Variants in ADK observed in about 807,000 individuals in gnomAD.
The protein encoded by ADK is adenosine kinase, also known as N6,N6-dimethyladenosine kinase.
In ADK, 24 loss-of-function variants were observed where a neutral mutation model predicts 44.7. That is an observed-to-expected ratio of 0.54 (90% CI 0.39 to 0.76). The LOEUF (loss-of-function observed/expected upper bound fraction) is 0.76, where lower values mean the gene tolerates loss of function less well. ADK is among the 30% of genes least tolerant of loss of function. The probability of loss-of-function intolerance (pLI) is 0.00; values close to 1 mark genes in which losing one functional copy is unlikely to be tolerated. For synonymous variants in ADK, 128 were observed against 142.6 expected (o/e 0.90, Z 0.73); for missense variants, 321 against 425.1 (o/e 0.76, Z 2.15).
chr10:74,579,733 A>C (rs1375687109), intron 7 of ADK, among the ~76,000 whole-genome samples: 1 of 152,198 alleles, frequency 6.6e-6, no homozygotes, highest in Non-Finnish European at 1.5e-5. Flanking sequence ...GAGCACACAC[A>C]CTGGATATCT....
chr10:74,397,984 C>T (rs1048764448), intron 5 of ADK, among the ~76,000 whole-genome samples: 2 of 152,184 alleles, frequency 1.3e-5, no homozygotes, highest in African/African-American at 2.4e-5. Context: ...TTCCTCTTAG[C>T]GAATATGGTC....
At position 74,350,055 on chromosome 10, in the gene ADK, G is replaced by A. The variant is rs113849168; in HGVS notation, c.273+35310G>A. Among the ~76,000 whole-genome samples the A allele has an allele frequency of 3.3e-4, 50 of 152,214 alleles. 1 individual carries two copies. Among genetic ancestry groups the A allele is most frequent in the African/African-American group, 1.1e-3 (44 of 41,530 alleles). On this transcript the variant is annotated intron_variant, in intron 4 of 10. Coordinates refer to ENST00000539909, the MANE Select transcript of ADK (RefSeq NM_006721.4). Reference sequence around the variant, plus strand: ...ACTTGAACTAAGCTCTGGACCAAGCGGACCTAATAGACATGGGGTTGCTAC... The same window carrying A: ...ACTTGAACTAAGCTCTGGACCAAGCAGACCTAATAGACATGGGGTTGCTAC...
At chr10:74,456,580 T>G (rs1845952164) in intron 6 of ADK, among the ~76,000 whole-genome samples, 1 of 138,850 alleles carries the variant, frequency 7.2e-6, no homozygotes. Context: ...GGCAGGAGAA[T>G]GGCGTGAACC....
At chr10:74,222,489 G>T (rs1844350971) in intron 2 of ADK, among the ~76,000 whole-genome samples, 1 of 151,940 alleles carries the variant, frequency 6.6e-6, no homozygotes. Flanking sequence ...AATACCATTT[G>T]ACCCAGCCAT....
At chr10:74,285,341 A>C (rs1409657464) in intron 3 of ADK, among the ~76,000 whole-genome samples, 1 of 152,180 alleles carries the variant, frequency 6.6e-6, no homozygotes, top group Non-Finnish European at 1.5e-5. Flanking sequence ...ATATTTGTGA[A>C]TAGTCTTTGT....
chr10:74,598,440 CCTTTTTTTTTTTT>C (rs1480198889), intron 8 of ADK, among the ~76,000 whole-genome samples: 1 of 114,072 alleles, frequency 8.8e-6, no homozygotes, highest in Non-Finnish European at 1.7e-5. Context: ...GAATCTTATT[CCTTTTTTTTTTTT>C]TTTTTTTTTT....
At chr10:74,670,332 T>A in intron 10 of ADK, 63 bp downstream of exon 10, 1 of 1,260,560 alleles carries the variant, frequency 7.9e-7, no homozygotes, top group South Asian at 1.2e-5. Context: ...GTTTCTACCA[T>A]ATAACCAAGA....
intron 1 of ADK, among the ~76,000 whole-genome samples, chr10:74,196,189 G>A (rs1843143344): frequency 6.6e-6 from 1 of 152,072 alleles, no homozygotes; most frequent in Admixed American, 6.6e-5. Flanking sequence ...GACAATTGCA[G>A]CCTAACAGCA....
chr10:74,320,728 C>T (rs1244203062), intron 4 of ADK, among the ~76,000 whole-genome samples: 1 of 152,086 alleles, frequency 6.6e-6, no homozygotes, highest in African/African-American at 2.4e-5. Flanking sequence ...AACTAGTAAC[C>T]TCAGCTTGCT....
At chr10:74,437,998 C>G (rs1355728472) in intron 6 of ADK, among the ~76,000 whole-genome samples, 3 of 152,176 alleles carry the variant, frequency 2.0e-5, no homozygotes, top group Non-Finnish European at 4.4e-5. Flanking sequence ...GTATAACCTT[C>G]AACATTCAAC....
chr10:74,280,666 G>T (rs1255934165), intron 3 of ADK, among the ~76,000 whole-genome samples: 1 of 152,126 alleles, frequency 6.6e-6, no homozygotes, highest in African/African-American at 2.4e-5. Context: ...TGTAAATTTG[G>T]TTTTCTCACT....
intron 6 of ADK, among the ~76,000 whole-genome samples, chr10:74,408,106 A>G (rs1376463286): frequency 6.6e-6 from 1 of 150,878 alleles, no homozygotes; most frequent in East Asian, 2.0e-4. Flanking sequence ...CAGTCTACCC[A>G]GTAGCTGGGA....
chr10:74,402,825 G>A (rs1173544191), intron 6 of ADK, among the ~76,000 whole-genome samples: 3 of 152,170 alleles, frequency 2.0e-5, no homozygotes, highest in African/African-American at 4.8e-5. Flanking sequence ...GAGAAGAGAC[G>A]CTCTGATTTT....
intron 3 of ADK, among the ~76,000 whole-genome samples, chr10:74,230,537 T>C (rs997088320): frequency 2.6e-5 from 4 of 151,710 alleles, no homozygotes; most frequent in Non-Finnish European, 5.9e-5. Flanking sequence ...AGTTGCATGA[T>C]CATGGCTCAC....
chr10:74,171,794 GTCTC>G (rs986921540), intron 1 of ADK, among the ~76,000 whole-genome samples: 3 of 143,692 alleles, frequency 2.1e-5, no homozygotes, highest in South Asian at 2.1e-4. Flanking sequence ...CTCTCTTTCT[GTCTC>G]TCTCTGTCTC....
chr10:74,573,443 A>C (rs1208683184), intron 7 of ADK, among the ~76,000 whole-genome samples: 2 of 152,162 alleles, frequency 1.3e-5, no homozygotes, highest in African/African-American at 4.8e-5. Context: ...TAGGCTGCTC[A>C]GGGGTCAGCG....
chr10:74,545,831 C>T (rs1190832463), intron 7 of ADK, among the ~76,000 whole-genome samples: 1 of 152,244 alleles, frequency 6.6e-6, no homozygotes, highest in Admixed American at 6.5e-5. Context: ...TAAGTTAATA[C>T]AGTGGGTATT....
intron 7 of ADK, among the ~76,000 whole-genome samples, chr10:74,542,885 G>T (rs113352929): frequency 0.028 from 4,126 of 146,400 alleles, 151 homozygotes; most frequent in African/African-American, 0.076. Flanking sequence ...TTTTATTTTA[G>T]TTATTTATTT....
intron 3 of ADK, among the ~76,000 whole-genome samples, chr10:74,261,003 T>G (rs1374200081): frequency 1.3e-5 from 2 of 152,230 alleles, no homozygotes; most frequent in African/African-American, 4.8e-5. Context: ...AGATGTTATC[T>G]ATTGACCTTT....
Sources: allele counts gnomAD v4.1 joint callset (sites outside exome capture counted in the v4.1 genomes callset), GRCh38; gene constraint gnomAD v4.1.1; transcripts MANE v1.5; gene names NCBI Gene and HGNC (gene_info 2026-07-23, HGNC 2026-07-21).